The following ELMO1 variants were observed in gnomAD, a reference collection of about 807,000 sequenced individuals.
ELMO1 encodes engulfment and cell motility 1.
In ELMO1, 26 loss-of-function variants were observed where a neutral mutation model predicts 98.9. The ratio of observed to expected loss-of-function variants is 0.26; its 90% confidence interval spans 0.19 to 0.36. The LOEUF is 0.36. Ranked by LOEUF, ELMO1 falls within the 10% of genes least tolerant of loss-of-function variation. The pLI, the probability that ELMO1 is intolerant of heterozygous loss-of-function variation, is 1.00. For synonymous variants in ELMO1, 346 were observed against 346.0 expected, an observed-to-expected ratio of 1.00 and a Z score of 0.00; for missense variants, 627 against 935.2, an observed-to-expected ratio of 0.67 and a Z score of 4.30.
At chr7:36,959,409 A>G (rs552155596) in intron 16 of ELMO1, among the ~76,000 whole-genome samples, 1 of 152,276 alleles carries the variant, frequency 6.6e-6, no homozygotes, top group South Asian at 2.1e-4. Context: ...AAGCCCCTGA[A>G]AAATCTGGCC....
intron 11 of ELMO1, 76 bp from the exon 12 acceptor site, chr7:37,213,533 G>A: frequency 2.1e-6 from 3 of 1,398,866 alleles, no homozygotes; most frequent in Non-Finnish European, 2.9e-6. Flanking sequence ...ACTCAAGAAG[G>A]CTCTCACAGT....
chr7:37,094,123 T>C (rs1784257978), intron 15 of ELMO1, among the ~76,000 whole-genome samples: 1 of 152,150 alleles, frequency 6.6e-6, no homozygotes, highest in South Asian at 2.1e-4. Context: ...TGGATAGATT[T>C]TCATTGAACA....
At chr7:37,162,236 A>G (rs1351334520) in intron 13 of ELMO1, among the ~76,000 whole-genome samples, 2 of 152,030 alleles carry the variant, frequency 1.3e-5, no homozygotes, top group Non-Finnish European at 1.5e-5. Context: ...TAACTCCAGG[A>G]AACTACCACA....
chr7:37,371,952 G>A (rs1383122817), intron 1 of ELMO1, among the ~76,000 whole-genome samples: 1 of 152,180 alleles, frequency 6.6e-6, no homozygotes, highest in Non-Finnish European at 1.5e-5. Context: ...CTGAGATGTA[G>A]ACCAAGAAAT....
intron 16 of ELMO1, among the ~76,000 whole-genome samples, chr7:36,967,543 AAGGG>A (rs1439269996): frequency 1.3e-5 from 2 of 152,092 alleles, no homozygotes; most frequent in Non-Finnish European, 2.9e-5. Context: ...ACTTCTGGCA[AAGGG>A]AGGGTGCTGC....
rs371708658 is a variant in ELMO1, at chr7:37,163,832, T to C, written c.1087-30598A>G. 3.0e-4 allele frequency among the ~76,000 whole-genome samples: 46 copies of C among 152,354 alleles called. 1 individual carries two copies. Among genetic ancestry groups the C allele is most frequent in the East Asian group, 1.5e-3 (8 of 5,184 alleles). On this transcript the variant is annotated intron_variant, in intron 13 of 21. Coordinates refer to ENST00000310758, the MANE Select transcript of ELMO1 (RefSeq NM_014800.11). ...TGTGTCTTTATAGCAGCATGACTTA[T>C]AGTCCTTTGGGTATATACCCAGTAA...
chr7:37,372,405 C>G (rs73348017), intron 1 of ELMO1, among the ~76,000 whole-genome samples: 7,387 of 152,142 alleles, frequency 0.049, 641 homozygotes, highest in African/African-American at 0.17. Flanking sequence ...ACTGCTATAA[C>G]TCATAGGGTT....
intron 13 of ELMO1, among the ~76,000 whole-genome samples, chr7:37,179,970 T>C (rs192719034): frequency 1.1e-4 from 16 of 152,296 alleles, no homozygotes; most frequent in Admixed American, 9.8e-4. Context: ...ATCTTAAGAA[T>C]TTACATTGTA....
intron 16 of ELMO1, among the ~76,000 whole-genome samples, chr7:36,970,817 A>T (rs950427825): frequency 5.9e-5 from 9 of 152,304 alleles, no homozygotes; most frequent in African/African-American, 2.2e-4. Flanking sequence ...TCAGTCTGAA[A>T]CTCCTGATTC....
chr7:37,203,566 G>A (rs550605688), intron 13 of ELMO1, among the ~76,000 whole-genome samples: 15 of 152,194 alleles, frequency 9.9e-5, no homozygotes, highest in African/African-American at 2.6e-4. Flanking sequence ...TGGTGAGCCC[G>A]GGCACCTAAA....
intron 5 of ELMO1, among the ~76,000 whole-genome samples, chr7:37,260,182 G>C (rs1258659025): frequency 2.0e-5 from 3 of 152,184 alleles, no homozygotes; most frequent in Admixed American, 6.5e-5. Context: ...TGTTCTGCCT[G>C]TGTTTTTGCT....
At chr7:36,902,586 C>G (rs767888120) in intron 16 of ELMO1, among the ~76,000 whole-genome samples, 1 of 152,218 alleles carries the variant, frequency 6.6e-6, no homozygotes, top group Non-Finnish European at 1.5e-5. Context: ...GAAACTTTCT[C>G]TATTGGTTTT....
intron 13 of ELMO1, among the ~76,000 whole-genome samples, chr7:37,149,316 G>A (rs185784066): frequency 1.7e-4 from 26 of 152,278 alleles, no homozygotes; most frequent in African/African-American, 5.3e-4. Context: ...GGTGACGATG[G>A]TGATAACAAC....
At chr7:37,125,953 A>G (rs1252984077) in intron 14 of ELMO1, among the ~76,000 whole-genome samples, 1 of 152,204 alleles carries the variant, frequency 6.6e-6, no homozygotes, top group Non-Finnish European at 1.5e-5. Flanking sequence ...TACACCATGG[A>G]ATACTATGCA....
rs562070191 is a variant in ELMO1, at chr7:37,275,450, C to T, written c.193-3568G>A. ...AGCATGATTAAATTCTCTGATAAAG[C>T]TGGGCTCAATTCCTGCTCTGCTTCT... On this transcript the variant is annotated intron_variant, in intron 4 of 21. Coordinates refer to ENST00000310758, the MANE Select transcript of ELMO1 (RefSeq NM_014800.11). Among the ~76,000 whole-genome samples, 3 of 152,326 alleles carry T rather than the reference C, an allele frequency of 2.0e-5. 1 individual carries two copies. The South Asian group carries it at 6.2e-4, about 32-fold the overall frequency.
At chr7:37,116,467 CA>C in intron 14 of ELMO1, among the ~76,000 whole-genome samples, 1 of 152,262 alleles carries the variant, frequency 6.6e-6, no homozygotes, top group Non-Finnish European at 1.5e-5. Context: ...AGAGAAACCA[CA>C]ACAGTTACTG....
chr7:36,891,130 G>T (rs1805512185), intron 17 of ELMO1, among the ~76,000 whole-genome samples: 1 of 152,168 alleles, frequency 6.6e-6, no homozygotes, highest in African/African-American at 2.4e-5. Flanking sequence ...ATCTTGCTTT[G>T]TGTCTCCACT....
chr7:37,130,588 A>G (rs1786849878), intron 14 of ELMO1, among the ~76,000 whole-genome samples: 1 of 152,200 alleles, frequency 6.6e-6, no homozygotes, highest in Non-Finnish European at 1.5e-5. Context: ...AGCTTCCAGA[A>G]AGCAATGGAG....
chr7:37,192,396 G>A (rs1035023873), intron 13 of ELMO1, among the ~76,000 whole-genome samples: 1 of 151,438 alleles, frequency 6.6e-6, no homozygotes, highest in Non-Finnish European at 1.5e-5. Context: ...TCGGGAGGCT[G>A]AGGCAGTAGA....
Sources: allele counts gnomAD v4.1 joint callset (sites outside exome capture counted in the v4.1 genomes callset), GRCh38; gene constraint gnomAD v4.1.1; transcripts MANE v1.5; gene names NCBI Gene and HGNC (gene_info 2026-07-23, HGNC 2026-07-21).